The following PPP4R4 variants were observed in gnomAD, a reference collection of about 807,000 sequenced individuals.
PPP4R4 encodes the protein protein phosphatase 4 regulatory subunit 4.
In PPP4R4, 70 loss-of-function variants were observed where a neutral mutation model predicts 121.8. That is an observed-to-expected ratio of 0.57 (90% CI 0.47 to 0.70). PPP4R4 has a LOEUF of 0.70. Among genes scored for constraint, PPP4R4 ranks in the 30% least tolerant of loss-of-function variants. The pLI is 0.00. For synonymous variants in PPP4R4, 348 were observed against 355.7 expected, an observed-to-expected ratio of 0.98 and a Z score of 0.24; for missense variants, 875 against 1,033.6, an observed-to-expected ratio of 0.85 and a Z score of 2.10.
intron 19 of PPP4R4, among the ~76,000 whole-genome samples, chr14:94,262,317 C>A (rs1300472435): frequency 2.0e-5 from 3 of 151,942 alleles, no homozygotes; most frequent in South Asian, 2.1e-4. Flanking sequence ...TTTAAACTGA[C>A]AAATCTGTTG....
intron 3 of PPP4R4, among the ~76,000 whole-genome samples, chr14:94,208,900 T>C (rs982608667): frequency 6.6e-6 from 1 of 151,916 alleles, no homozygotes; most frequent in Admixed American, 6.6e-5. Flanking sequence ...TCTATATTAA[T>C]AGTATTTGTA....
At chr14:94,263,656 C>T (rs560391636) in intron 19 of PPP4R4, among the ~76,000 whole-genome samples, 4 of 152,104 alleles carry the variant, frequency 2.6e-5, no homozygotes, top group East Asian at 1.9e-4. Flanking sequence ...GAAAGAGAAC[C>T]GCAGATAATC....
chr14:94,240,019 A>G (rs1208971423), intron 8 of PPP4R4, among the ~76,000 whole-genome samples: 1 of 152,196 alleles, frequency 6.6e-6, no homozygotes, highest in African/African-American at 2.4e-5. Context: ...TAGTATTTCT[A>G]GATAATAAAG....
intron 3 of PPP4R4, among the ~76,000 whole-genome samples, chr14:94,229,777 A>G (rs918739228): frequency 6.6e-6 from 1 of 152,168 alleles, no homozygotes; most frequent in East Asian, 1.9e-4. Flanking sequence ...GGAAATTTTC[A>G]TTATTGCCAT....
intron 3 of PPP4R4, among the ~76,000 whole-genome samples, chr14:94,219,080 CTTTTTT>C (rs71301922): frequency 1.9e-5 from 2 of 106,954 alleles, no homozygotes; most frequent in Non-Finnish European, 3.7e-5. Context: ...CTTTTCTTTT[CTTTTTT>C]TTTTTTTTTT....
At chr14:94,189,552 T>C (rs1889481998) in intron 2 of PPP4R4, among the ~76,000 whole-genome samples, 1 of 152,188 alleles carries the variant, frequency 6.6e-6, no homozygotes, top group South Asian at 2.1e-4. Flanking sequence ...GATTATACAC[T>C]CTGGATTTCA....
intron 11 of PPP4R4, among the ~76,000 whole-genome samples, chr14:94,242,829 G>T (rs1387241518): frequency 6.6e-6 from 1 of 152,156 alleles, no homozygotes; most frequent in Admixed American, 6.6e-5. Flanking sequence ...TGTTTCGTGA[G>T]CATGGCTTTT....
intron 2 of PPP4R4, among the ~76,000 whole-genome samples, chr14:94,189,615 C>CT (rs1889484733): frequency 6.6e-6 from 1 of 152,160 alleles, no homozygotes; most frequent in Non-Finnish European, 1.5e-5. Flanking sequence ...TTGGCCTTTC[C>CT]TTCTCAACTT....
chr14:94,213,837 T>C (rs1050162799), intron 3 of PPP4R4, among the ~76,000 whole-genome samples: 34 of 152,162 alleles, frequency 2.2e-4, no homozygotes, highest in Non-Finnish European at 2.5e-4. Context: ...CCTCCAGACC[T>C]GTGAGAGAAG....
intron 2 of PPP4R4, among the ~76,000 whole-genome samples, chr14:94,206,972 G>A (rs1265613961): frequency 1.3e-5 from 2 of 151,978 alleles, no homozygotes; most frequent in Admixed American, 1.3e-4. Flanking sequence ...ACCATTCCCT[G>A]ACTTGTGGCT....
At chr14:94,187,167 CTGGGTG>C (rs1333529218) in intron 2 of PPP4R4, among the ~76,000 whole-genome samples, 1 of 151,972 alleles carries the variant, frequency 6.6e-6, no homozygotes, top group Non-Finnish European at 1.5e-5. Context: ...CAAAAATTAC[CTGGGTG>C]TGTTGGTGGG....
chr14:94,174,610 C>G (rs918221981), intron 1 of PPP4R4, 28 bp downstream of exon 1: 22 of 1,605,632 alleles, frequency 1.4e-5, no homozygotes, highest in Non-Finnish European at 1.9e-5. Context: ...GACCTGCCCT[C>G]ACGGCGTCCG....
chr14:94,278,303 A>G (rs558626151), intron 24 of PPP4R4, among the ~76,000 whole-genome samples: 1 of 152,204 alleles, frequency 6.6e-6, no homozygotes, highest in East Asian at 1.9e-4. Flanking sequence ...ATTTATGCCT[A>G]TGTAACTTCC....
chr14:94,178,536 T>C (rs1024993488), intron 2 of PPP4R4, among the ~76,000 whole-genome samples: 1 of 152,024 alleles, frequency 6.6e-6, no homozygotes, highest in Non-Finnish European at 1.5e-5. Flanking sequence ...ATCCAGTATC[T>C]GAAAAAAGCA....
At chr14:94,217,899 CAGG>C (rs2139480406) in intron 3 of PPP4R4, among the ~76,000 whole-genome samples, 1 of 152,248 alleles carries the variant, frequency 6.6e-6, no homozygotes, top group Admixed American at 6.5e-5. Context: ...GAGGCTGAGG[CAGG>C]AGAATCGCTT....
Position 94,278,746 on chromosome 14 carries a change from G to GTT in PPP4R4, c.*113_*114dup, listed in dbSNP as rs5810667. 9.0e-3 allele frequency: 8,691 copies of GTT among 967,266 alleles called. No individual in the cohort carries two copies. The highest frequency in any genetic ancestry group is 0.05 in the East Asian group (1,476 of 29,494). 59.9% of individuals were successfully genotyped at this position (967,266 alleles called of 1,614,324 possible). On this transcript the variant is annotated 3_prime_UTR_variant, in exon 25 of 25. Transcript: ENST00000304338. Reference sequence around the variant, plus strand: ...CTGGGGCTTTGTTTTTAAATTTTGGGTTTTTTTTTTTGTTGTTGTTAATGA... The same window carrying GTT: ...CTGGGGCTTTGTTTTTAAATTTTGGGTTTTTTTTTTTTTGTTGTTGTTAATGA...
In PPP4R4 at chr14:94,191,555, T is replaced by G. The variant is rs143741133; in HGVS notation, c.191+15428T>G. ...AAAATATACACTAAATTGTTGTTAA[T>G]CGTATTCACCTTACACTGGTACAGA... On this transcript the variant is annotated intron_variant, in intron 2 of 24. Transcript: ENST00000304338. 5.1e-3 allele frequency among the ~76,000 whole-genome samples: 774 copies of G among 152,248 alleles called. 6 individuals carry two copies. The Middle Eastern group carries it at 0.075, about 15-fold the overall frequency.
intron 24 of PPP4R4, among the ~76,000 whole-genome samples, chr14:94,278,062 A>G (rs1021214766): frequency 2.6e-5 from 4 of 152,180 alleles, no homozygotes; most frequent in African/African-American, 9.7e-5. Context: ...AGTATCCACA[A>G]TTCAAAACAG....
chr14:94,259,931 A>G (rs2139627130), intron 19 of PPP4R4, among the ~76,000 whole-genome samples: 1 of 152,344 alleles, frequency 6.6e-6, no homozygotes, highest in African/African-American at 2.4e-5. Context: ...TATTTCGGAT[A>G]TATCACAATT....
Sources: allele counts gnomAD v4.1 joint callset (sites outside exome capture counted in the v4.1 genomes callset), GRCh38; gene constraint gnomAD v4.1.1; transcripts MANE v1.5; gene names NCBI Gene and HGNC (gene_info 2026-07-23, HGNC 2026-07-21).